The following RERE variants were observed in gnomAD, a reference collection of about 807,000 sequenced individuals.
RERE encodes arginine-glutamic acid dipeptide repeats, also known as arginine-glutamic acid dipeptide repeats protein.
A neutral mutation model predicts 146.1 loss-of-function variants in RERE; 40 were observed. The ratio of observed to expected loss-of-function variants is 0.27; its 90% CI spans 0.21 to 0.36. The LOEUF is 0.36. RERE is among the 10% of genes least tolerant of loss of function. RERE has a pLI of 1.00. For missense variants in RERE, 1,933 were observed against 2,138.7 expected (o/e 0.90, Z 1.90); for synonymous variants, 1,003 against 866.0 (o/e 1.16, Z -2.78).
intron 12 of RERE, among the ~76,000 whole-genome samples, chr1:8,399,295 C>T (rs1643167494): frequency 6.6e-6 from 1 of 152,098 alleles, no homozygotes. Flanking sequence ...CCCTTCCCTA[C>T]TCAGGGAACA....
rs375338850 is a variant in RERE at position 8,358,434 on chromosome 1, G to A, written c.4101C>T (p.Phe1367=). The part of the protein sequence containing the change: ...PTAGPHPFAS[F]HPGLNPLERE... ...TCTCCAAGGGGTTCAGGCCCGGGTG[G>A]AAAGAAGCAAAAGGGTGGGGCCCGG... The change falls in exon 20 of 23, where the codon TTC becomes TTT. Residue 1367 remains phenylalanine, a synonymous_variant. Transcript: ENST00000400908. The A allele has an allele frequency of 3.8e-6, 6 of 1,592,418 alleles. No homozygotes were observed. In the African/African-American group the frequency reaches 5.4e-5, roughly 14 times the overall value.
intron 12 of RERE, among the ~76,000 whole-genome samples, chr1:8,398,246 T>C (rs1643124201): frequency 6.6e-6 from 1 of 152,154 alleles, no homozygotes. Flanking sequence ...GGGCCAGAGG[T>C]GCAGAAAGAA....
intron 1 of RERE, among the ~76,000 whole-genome samples, chr1:8,687,385 G>A (rs552639563): frequency 1.3e-5 from 2 of 152,242 alleles, no homozygotes; most frequent in South Asian, 2.1e-4. Flanking sequence ...CCCACCATGA[G>A]GCCAAGGAGG....
At chr1:8,742,861 C>T (rs374235605) in intron 1 of RERE, among the ~76,000 whole-genome samples, 2 of 137,920 alleles carry the variant, frequency 1.5e-5, no homozygotes, top group Non-Finnish European at 1.5e-5. Context: ...GAGTGAGATC[C>T]TGTCTCAAAA....
In RERE at chr1:8,360,503, C is replaced by T. The variant is rs4990444; in HGVS notation, c.3004G>A (p.Ala1002Thr). Reference sequence around the variant, plus strand: ...CTCTGGGTCAGCCCGGGGGGCTGGGCGGGCGAGGAGGGCAATGGCTGGCTC... The same window carrying T: ...CTCTGGGTCAGCCCGGGGGGCTGGGTGGGCGAGGAGGGCAATGGCTGGCTC... ...PQSQPLPSSP[A>T]QPPGLTQSQN... is the part of the protein sequence containing the mutation. The change falls in exon 18 of 23, where the codon GCC (alanine) becomes ACC (threonine). Residue 1002 changes from alanine to threonine, a missense_variant. Physicochemically the swap from Ala to Thr is moderately conservative, Grantham distance 58. This residue lies in a region of RERE where 1,255 missense variants were observed against 1,153.8 expected (regional missense o/e 1.09). Coordinates refer to ENST00000400908, the MANE Select transcript of RERE (RefSeq NM_001042681.2). 7.2e-3 allele frequency: 9,249 copies of T among 1,283,256 alleles called. 45 individuals carry two copies. The highest frequency in any genetic ancestry group is 9.6e-3 in the Middle Eastern group (33 of 3,426). The allele number at this position is 1,283,256 out of a possible 1,614,324, so 79.5% of individuals were successfully genotyped here.
intron 11 of RERE, among the ~76,000 whole-genome samples, chr1:8,452,565 A>G (rs1171774816): frequency 2.0e-5 from 3 of 152,150 alleles, no homozygotes; most frequent in African/African-American, 7.2e-5. Context: ...AAACTAAGCC[A>G]AATAAAAAAA....
At chr1:8,564,868 G>GTATA (rs779992984) in intron 4 of RERE, among the ~76,000 whole-genome samples, 326 of 124,598 alleles carry the variant, frequency 2.6e-3, no homozygotes, top group African/African-American at 4.1e-3. Context: ...GTGTGTGTGT[G>GTATA]TGTATATATA....
chr1:8,617,804 T>C (rs1350911152), intron 3 of RERE, among the ~76,000 whole-genome samples: 1 of 152,192 alleles, frequency 6.6e-6, no homozygotes, highest in Non-Finnish European at 1.5e-5. Flanking sequence ...AACAATATAA[T>C]GATGCCTAAA....
rs1478684857 is a variant in RERE at position 8,356,699 on chromosome 1, G to A, written c.4340-453C>T. ...GAACCTAAAGGAGGCCAGCAGAGTG[G>A]GTGGCGCAGAATGGGGACCTGGCAC... On this transcript the variant is annotated intron_variant, in intron 20 of 22. Coordinates refer to ENST00000400908, the MANE Select transcript of RERE (RefSeq NM_001042681.2). This position sits in a 1 kb window ranked among gnomAD's most constrained non-coding sequence, Gnocchi z 5.2. Among the ~76,000 whole-genome samples, 1 of 152,124 alleles carries A rather than the reference G, an allele frequency of 6.6e-6. No individual in the cohort carries two copies. The highest frequency in any genetic ancestry group is 1.5e-5 in the Non-Finnish European group (1 of 68,022).
intron 11 of RERE, among the ~76,000 whole-genome samples, chr1:8,438,771 G>A (rs1185573983): frequency 1.3e-5 from 2 of 151,840 alleles, no homozygotes; most frequent in African/African-American, 4.8e-5. Context: ...GAATGTTCCA[G>A]TAAAACAGTT....
intron 12 of RERE, among the ~76,000 whole-genome samples, chr1:8,368,328 G>C (rs913500262): frequency 8.5e-5 from 13 of 152,062 alleles, no homozygotes; most frequent in African/African-American, 3.1e-4. Context: ...CAAAAAATTA[G>C]CTGGGCCTGG....
At chr1:8,429,529 T>G (rs1224293014) in intron 11 of RERE, among the ~76,000 whole-genome samples, 1 of 152,184 alleles carries the variant, frequency 6.6e-6, no homozygotes, top group Non-Finnish European at 1.5e-5. Context: ...CTGACCCCTA[T>G]CTGCAGTAGC....
chr1:8,363,360 T>C (rs1231579696), intron 15 of RERE, among the ~76,000 whole-genome samples: 1 of 152,160 alleles, frequency 6.6e-6, no homozygotes, highest in Non-Finnish European at 1.5e-5. Flanking sequence ...TGCAAAGCCA[T>C]GAGGGCTCAG....
chr1:8,465,885 G>T, intron 11 of RERE, 40 bp downstream of exon 11: 2 of 1,561,040 alleles, frequency 1.3e-6, no homozygotes, highest in South Asian at 1.1e-5. Flanking sequence ...CCGGTGGCCC[G>T]ATGCCCCAGA....
rs376331841 is a variant in RERE, at chr1:8,502,417, G to C, written c.880-4888C>G. On this transcript the variant is annotated intron_variant, in intron 8 of 22. Coordinates refer to ENST00000400908, the MANE Select transcript of RERE (RefSeq NM_001042681.2). ...TCTGCCCGGCCGCCCCTACTGGGAA[G>C]TGAGGAGCCCCTCTGCCTGGCCAGC... is the stretch of plus-strand genomic sequence containing the variant. 6.7e-4 allele frequency among the ~76,000 whole-genome samples: 82 copies of C among 122,140 alleles called. No individual in the cohort carries two copies. The South Asian group carries it at 0.023, about 34-fold the overall frequency. The allele number at this position is 122,140 out of a possible 152,430, so 80.1% of individuals were successfully genotyped here. A position where few individuals can be genotyped will look rare whatever the true frequency, so the allele number is the denominator to read the frequency against.
intron 10 of RERE, among the ~76,000 whole-genome samples, chr1:8,492,284 T>C (rs1644989253): frequency 6.6e-6 from 1 of 152,174 alleles, no homozygotes; most frequent in African/African-American, 2.4e-5. Context: ...ATGATTTCTA[T>C]ACTGAAGTAT....
intron 1 of RERE, among the ~76,000 whole-genome samples, chr1:8,752,130 A>G (rs960906530): frequency 5.9e-5 from 9 of 152,138 alleles, no homozygotes; most frequent in African/African-American, 1.9e-4. Flanking sequence ...GTAACTTGCC[A>G]GTGAAGTGGT....
At chr1:8,612,956 C>A (rs1479331643) in intron 4 of RERE, among the ~76,000 whole-genome samples, 1 of 152,208 alleles carries the variant, frequency 6.6e-6, no homozygotes, top group Non-Finnish European at 1.5e-5. Context: ...GTGAAACCCC[C>A]ATCCCTTTTT....
chr1:8,415,411 G>C (rs570981099), intron 12 of RERE, among the ~76,000 whole-genome samples: 2 of 152,254 alleles, frequency 1.3e-5, no homozygotes, highest in East Asian at 3.9e-4. Context: ...ATAAATCCCT[G>C]CAAGCAACAT....
Sources: allele counts gnomAD v4.1 joint callset (sites outside exome capture counted in the v4.1 genomes callset), GRCh38; gene constraint gnomAD v4.1.1; regional missense constraint gnomAD v4.1.1; non-coding constraint Gnocchi (gnomAD v3.1); transcripts MANE v1.5; gene names NCBI Gene and HGNC (gene_info 2026-07-23, HGNC 2026-07-21).